SBNO2: variants seen among roughly 807,000 people sequenced by gnomAD.
The protein encoded by SBNO2 is protein strawberry notch homolog 2.
Under a neutral mutation model 146.3 loss-of-function variants are expected in SBNO2, and 89 were observed. That is an observed-to-expected ratio of 0.61 (90% CI 0.51 to 0.73). The LOEUF is 0.73. Ranked by LOEUF, SBNO2 falls within the 30% of genes least tolerant of loss-of-function variation. The pLI is 0.00. For missense variants in SBNO2, 2,092 were observed against 2,003.7 expected (o/e 1.04, Z -0.84); for synonymous variants, 1,147 against 892.6 (o/e 1.29, Z -5.08).
chr19:1,143,516 T>C (rs948411506), intron 4 of SBNO2, among the ~76,000 whole-genome samples: 2 of 152,124 alleles, frequency 1.3e-5, no homozygotes, highest in African/African-American at 4.8e-5. Flanking sequence ...CACACACTTA[T>C]CCTCTCACAG....
intron 1 of SBNO2, among the ~76,000 whole-genome samples, chr19:1,166,452 C>T (rs914603739): frequency 6.6e-6 from 1 of 152,144 alleles, no homozygotes; most frequent in Non-Finnish European, 1.5e-5. Flanking sequence ...GCAGCTTCCA[C>T]GCGGCTTCTG....
At chr19:1,133,375 T>C (rs1262613140) in intron 4 of SBNO2, among the ~76,000 whole-genome samples, 2 of 152,044 alleles carry the variant, frequency 1.3e-5, no homozygotes, top group Non-Finnish European at 2.9e-5. Context: ...GGGACAGTTC[T>C]GGGCTTGTAA....
intron 2 of SBNO2, among the ~76,000 whole-genome samples, chr19:1,151,319 G>A (rs1293387379): frequency 6.6e-6 from 1 of 152,200 alleles, no homozygotes. Flanking sequence ...GCTTGGGGTC[G>A]CAGGGCGGGA....
chr19:1,113,435 G>T, intron 19 of SBNO2, 100 bp downstream of exon 19: 2 of 1,077,242 alleles, frequency 1.9e-6, no homozygotes, highest in Non-Finnish European at 1.3e-6. Context: ...GAGACGCAGA[G>T]TGACCAGCAG....
chr19:1,118,440 G>A (rs1381439624), intron 14 of SBNO2, among the ~76,000 whole-genome samples: 1 of 152,232 alleles, frequency 6.6e-6, no homozygotes, highest in Non-Finnish European at 1.5e-5. Flanking sequence ...CAAGCCACAT[G>A]GCCCACAGCA....
intron 19 of SBNO2, 130 bp from the exon 20 acceptor site, chr19:1,113,079 G>A (rs925614868): frequency 1.8e-6 from 2 of 1,125,224 alleles, no homozygotes; most frequent in Non-Finnish European, 1.2e-6. Flanking sequence ...AGGTGGGGGT[G>A]CTGGGAAAGG....
intron 4 of SBNO2, among the ~76,000 whole-genome samples, chr19:1,139,068 TC>T (rs1424468802): frequency 6.6e-6 from 1 of 152,014 alleles, no homozygotes; most frequent in Non-Finnish European, 1.5e-5. Context: ...CCTCCACGCG[TC>T]CATCATGAAC....
At chr19:1,121,649 C>T (rs901682888) in intron 11 of SBNO2, among the ~76,000 whole-genome samples, 10 of 152,200 alleles carry the variant, frequency 6.6e-5, no homozygotes, top group Admixed American at 4.6e-4. Context: ...CGAACCGCAG[C>T]CTGCCGACGA....
chr19:1,146,235 C>T (rs530465114), intron 4 of SBNO2, among the ~76,000 whole-genome samples: 6 of 152,222 alleles, frequency 3.9e-5, no homozygotes, highest in African/African-American at 1.2e-4. Flanking sequence ...ACTGGGGAGG[C>T]GGACTTGACG....
intron 5 of SBNO2, among the ~76,000 whole-genome samples, chr19:1,124,953 G>T (rs1368583044): frequency 2.0e-5 from 3 of 152,104 alleles, no homozygotes; most frequent in Non-Finnish European, 4.4e-5. Flanking sequence ...TGGACCCCGG[G>T]ACGGATGGCT....
At chr19:1,156,204 G>A (rs780321735) in intron 1 of SBNO2, among the ~76,000 whole-genome samples, 8 of 152,096 alleles carry the variant, frequency 5.3e-5, no homozygotes, top group South Asian at 2.1e-4. Flanking sequence ...CCCTCCCTAC[G>A]GTCTCTGAGC....
At chr19:1,113,781 G>A in intron 18 of SBNO2, 77 bp from the exon 19 acceptor site, 2 of 1,389,224 alleles carry the variant, frequency 1.4e-6, no homozygotes, top group Non-Finnish European at 1.9e-6. Context: ...GCTGGCCCCT[G>A]GAGGGCAAGG....
chr19:1,119,942 G>A lies in SBNO2; in HGVS notation c.1231C>T (p.Leu411=). 6.5e-7 allele frequency: 1 copy of A among 1,550,082 alleles called. No homozygotes were observed. Among genetic ancestry groups the A allele is most frequent in the Admixed American group, 2.0e-5 (1 of 51,046 alleles). The change falls in exon 12 of 32, where the codon CTG becomes TTG. Residue 411 remains leucine (L), a synonymous_variant. Coordinates refer to ENST00000361757, the MANE Select transcript of SBNO2 (RefSeq NM_014963.3). ...GKAVLDLQNK[L]PLARVVYASA... Reference sequence around the variant, plus strand: ...GCGTAGACCACGCGGGCCAGGGGCAGCTTGTTCTGCAGGTCTAGCACAGCC... The same window carrying A: ...GCGTAGACCACGCGGGCCAGGGGCAACTTGTTCTGCAGGTCTAGCACAGCC...
chr19:1,112,891 G>A lies in SBNO2; in HGVS notation c.2306C>T (p.Ser769Leu), dbSNP rs2145195398. 1 of 1,572,144 alleles carries A rather than the reference G, an allele frequency of 6.4e-7. No individual in the cohort carries two copies. The highest frequency in any genetic ancestry group is 2.4e-5 in the East Asian group (1 of 42,188). The change falls in exon 20 of 32, where the codon TCG (serine) becomes TTG (leucine). Residue 769 changes from serine to leucine, a missense_variant. Coordinates refer to ENST00000361757, the MANE Select transcript of SBNO2 (RefSeq NM_014963.3). The surrounding 1 kb of genome is among the most constrained non-coding windows in gnomAD (Gnocchi z 5.9). ...SRPDGTVAFESRAEQGLSIDH... is the reference protein window; with the variant it reads ...SRPDGTVAFELRAEQGLSIDH... The stretch of plus-strand genomic sequence containing the variant: ...GATGGACAGACCCTGCTCTGCCCGC[G>A]ACTCGAAGGCCACCGTCCCGTCGGG...
In SBNO2 at chr19:1,127,776, AG is replaced by A. The variant is rs1186569774; in HGVS notation, c.280-12del. The stretch of plus-strand genomic sequence containing the variant: ...AAAATAGGAGGAGTCCTGGAAGACA[AG>A]GCCAGGCCCGGTGAGGGTGGTACGG... On this transcript the variant is annotated splice_polypyrimidine_tract_variant and intron_variant, in intron 4 of 31. Coordinates refer to ENST00000361757, the MANE Select transcript of SBNO2 (RefSeq NM_014963.3). 6.2e-7 allele frequency: 1 copy of A among 1,612,030 alleles called. No individual in the cohort carries two copies. Among genetic ancestry groups the A allele is most frequent in the Non-Finnish European group, 8.5e-7 (1 of 1,178,668 alleles).
chr19:1,137,187 T>G (rs1599855867), intron 4 of SBNO2, among the ~76,000 whole-genome samples: 1 of 101,620 alleles, frequency 9.8e-6, no homozygotes, highest in African/African-American at 4.1e-5. Context: ...TGGGCTGGGG[T>G]GCGGTTGGGG....
Position 1,123,577 on chromosome 19 carries a change from C to A in SBNO2, c.585G>T (p.Glu195Asp). ...CGGCGTAGGTCTCTGTGTGCCCCAG[C>A]TCCTCCGCCTCCTCCTCCTCAGCCT... The part of the protein sequence containing the change: ...EDEAEEEEAE[E>D]LGHTETYADY... The change falls in exon 7 of 32, where the codon GAG (glutamate) becomes GAT (aspartate). Residue 195 changes from glutamate (E) to aspartate (D), a missense_variant. Glu to Asp is a conservative substitution (Grantham distance 45, BLOSUM62 2). Coordinates refer to ENST00000361757, the MANE Select transcript of SBNO2 (RefSeq NM_014963.3). 1.2e-6 allele frequency: 2 copies of A among 1,613,440 alleles called. No homozygotes were observed. The highest frequency in any genetic ancestry group is 4.5e-5 in the East Asian group (2 of 44,886).
rs757253840 is a variant in SBNO2 at position 1,113,719 on chromosome 19, G to A, written c.2078-15C>T. On this transcript the variant is annotated splice_polypyrimidine_tract_variant and intron_variant, in intron 18 of 31. Coordinates refer to ENST00000361757, the MANE Select transcript of SBNO2 (RefSeq NM_014963.3). Reference sequence around the variant, plus strand: ...GCACAGGGGTCCTAGGGAGGAGGTGGAGGGTCAGGGCAGGACATGTTGGCT... The same window carrying A: ...GCACAGGGGTCCTAGGGAGGAGGTGAAGGGTCAGGGCAGGACATGTTGGCT... 27 of 1,517,192 alleles carry A rather than the reference G, an allele frequency of 1.8e-5. No homozygotes were observed. The highest frequency in any genetic ancestry group is 2.3e-5 in the Non-Finnish European group (26 of 1,134,218). 94.0% of individuals were successfully genotyped at this position (1,517,192 alleles called of 1,614,324 possible).
rs1218340006 is a variant in SBNO2, at chr19:1,158,439, G to A, written c.-126-4037C>T. On this transcript the variant is annotated intron_variant, in intron 1 of 31. Transcript: ENST00000361757. The surrounding 1 kb of genome is among the most constrained non-coding windows in gnomAD (Gnocchi z 9.9). ...CAGGCCACGCTGTGCCCACGTTCGC[G>A]ACGGCAAAGCGGAGACCCTGAGAAG... is the stretch of plus-strand genomic sequence containing the variant. Among the ~76,000 whole-genome samples the A allele has an allele frequency of 2.0e-5, 3 of 152,138 alleles. No homozygotes were observed. Among genetic ancestry groups the A allele is most frequent in the East Asian group, 1.9e-4 (1 of 5,182 alleles).
Sources: gnomAD v4.1 joint callset for allele counts (sites outside exome capture counted in the v4.1 genomes callset) on GRCh38, gnomAD v4.1.1 for gene constraint, Gnocchi (gnomAD v3.1) non-coding constraint, MANE v1.5 for transcripts, NCBI Gene and HGNC (gene_info 2026-07-23, HGNC 2026-07-21) for gene names.